Variants in GATAD1 observed in about 807,000 individuals in gnomAD.
GATAD1 encodes the protein GATA zinc finger domain containing 1.
A neutral mutation model predicts 26.5 loss-of-function variants in GATAD1; 12 were observed. That is an observed-to-expected ratio of 0.45 (90% CI 0.29 to 0.73). The LOEUF (loss-of-function observed/expected upper bound fraction) is 0.73. Among genes scored for constraint, GATAD1 ranks in the 30% least tolerant of loss-of-function variants. The pLI, the probability that GATAD1 is intolerant of heterozygous loss-of-function variation, is 0.10. For synonymous variants in GATAD1, 129 were observed against 133.1 expected, an observed-to-expected ratio of 0.97 and a Z score of 0.21; for missense variants, 266 against 342.1, an observed-to-expected ratio of 0.78 and a Z score of 1.75.
the GATAD1 span, chr7:92,491,599 A>G: frequency 1.3e-6 from 1 of 745,746 alleles, no homozygotes; most frequent in African/African-American, 1.8e-5. Context: ...GAGCAATACA[A>G]GAAACTTAGA....
At chr7:92,491,428 G>A in the GATAD1 span, 54 of 1,613,680 alleles carry the variant, frequency 3.3e-5, no homozygotes, top group South Asian at 4.7e-4. Flanking sequence ...CAGCTGAATC[G>A]TCAGAGCCAC....
chr7:92,469,475 G>C, the GATAD1 span: 2 of 767,768 alleles, frequency 2.6e-6, no homozygotes, highest in Non-Finnish European at 4.8e-6. Context: ...TATAAATCTT[G>C]TTCAGTGTAG....
chr7:92,494,296 A>G, the GATAD1 span: 1 of 1,610,712 alleles, frequency 6.2e-7, no homozygotes, highest in South Asian at 1.1e-5. Context: ...TTGTCACCTG[A>G]TCAGGAGGAG....
chr7:92,464,754 G>A (rs1790038732), downstream of GATAD1, among the ~76,000 whole-genome samples: 1 of 152,178 alleles, frequency 6.6e-6, no homozygotes, highest in African/African-American at 2.4e-5. Flanking sequence ...CTTCAGCAAA[G>A]GCATCGTTTT....
chr7:92,452,035 T>G (rs1789457134), intron 3 of GATAD1, among the ~76,000 whole-genome samples: 1 of 152,246 alleles, frequency 6.6e-6, no homozygotes, highest in African/African-American at 2.4e-5. Context: ...AGTTACTACC[T>G]CAGTGGGTCA....
intron 3 of GATAD1, among the ~76,000 whole-genome samples, chr7:92,452,452 C>G (rs891311713): frequency 9.9e-5 from 15 of 152,240 alleles, no homozygotes; most frequent in Non-Finnish European, 1.8e-4. Flanking sequence ...CAAGAGGAGC[C>G]TGAGTGGGAG....
rs1042108524 is a variant in GATAD1 at position 92,457,234 on chromosome 7, C to A, written c.*672C>A. ...ATCCCAGCACTTTGGGAGGCTGAGG[C>A]AGATGGATCGCCTGAGGTTGGGAGT... On this transcript the variant is annotated 3_prime_UTR_variant, in exon 5 of 5. Coordinates refer to ENST00000287957, the MANE Select transcript of GATAD1 (RefSeq NM_021167.5). 1.4e-5 allele frequency: 2 copies of A among 144,838 alleles called. No individual in the cohort carries two copies. Among genetic ancestry groups the A allele is most frequent in the Non-Finnish European group, 3.0e-5 (2 of 66,640 alleles). The allele number at this position is 144,838 out of a possible 1,614,324, so 9.0% of individuals were successfully genotyped here. A position where few individuals can be genotyped will look rare whatever the true frequency, so the allele number is the denominator to read the frequency against.
chr7:92,477,951 C>A, the GATAD1 span: 1 of 152,506 alleles, frequency 6.6e-6, no homozygotes, highest in East Asian at 1.9e-4. Flanking sequence ...GCTGCTGTTG[C>A]CAGCTCGAAT....
intron 3 of GATAD1, among the ~76,000 whole-genome samples, chr7:92,452,751 G>A (rs999310524): frequency 6.6e-6 from 1 of 152,148 alleles, no homozygotes; most frequent in African/African-American, 2.4e-5. Context: ...GCCTACCACT[G>A]GAATCTTTCA....
At chr7:92,469,175 C>G in the GATAD1 span, 1 of 715,066 alleles carries the variant, frequency 1.4e-6, no homozygotes, top group African/African-American at 1.7e-5. Context: ...TAACAGCATT[C>G]TTCCCCTAAA....
chr7:92,487,446 AG>A, the GATAD1 span: 2 of 1,456,876 alleles, frequency 1.4e-6, no homozygotes, highest in South Asian at 1.2e-5. Flanking sequence ...CAAATCAAAA[AG>A]AAGTATATTT....
the GATAD1 span, chr7:92,469,143 G>A: frequency 4.3e-6 from 3 of 703,926 alleles, no homozygotes; most frequent in South Asian, 2.9e-5. Context: ...TCTCAGTGAC[G>A]ATTCCGGATT....
chr7:92,479,452 A>G, the GATAD1 span, among the ~76,000 whole-genome samples: 2 of 152,096 alleles, frequency 1.3e-5, no homozygotes, highest in African/African-American at 4.8e-5. Flanking sequence ...AACAAATCAC[A>G]GTGGTGGAAT....
the GATAD1 span, chr7:92,491,242 G>T: frequency 7.2e-7 from 1 of 1,381,116 alleles, no homozygotes. Flanking sequence ...TTATATTTCA[G>T]AACTGTATAA....
chr7:92,476,503 A>G, the GATAD1 span, among the ~76,000 whole-genome samples: 1 of 152,162 alleles, frequency 6.6e-6, no homozygotes, highest in Admixed American at 6.5e-5. Context: ...GAAGACCTTC[A>G]ATTATCAAGT....
the GATAD1 span, chr7:92,493,221 C>T: frequency 4.2e-6 from 3 of 722,254 alleles, no homozygotes; most frequent in Non-Finnish European, 6.8e-6. Flanking sequence ...CATAAATTAA[C>T]CTTATATATC....
chr7:92,474,251 C>T, the GATAD1 span, among the ~76,000 whole-genome samples: 1 of 152,100 alleles, frequency 6.6e-6, no homozygotes, highest in Non-Finnish European at 1.5e-5. Flanking sequence ...TGCTCCGGGC[C>T]TACGGCAGAC....
chr7:92,478,741 G>T, the GATAD1 span, among the ~76,000 whole-genome samples: 2 of 152,098 alleles, frequency 1.3e-5, no homozygotes, highest in African/African-American at 4.8e-5. Flanking sequence ...TAACAGAAAA[G>T]ACAGCTTAAA....
chr7:92,451,406 C>G (rs925800876), intron 3 of GATAD1, among the ~76,000 whole-genome samples: 1 of 152,208 alleles, frequency 6.6e-6, no homozygotes, highest in African/African-American at 2.4e-5. Flanking sequence ...CCCCAAGGCT[C>G]GGCAGGCCTG....
Sources: gnomAD v4.1 joint callset for allele counts (sites outside exome capture counted in the v4.1 genomes callset) on GRCh38, gnomAD v4.1.1 for gene constraint, MANE v1.5 for transcripts, NCBI Gene and HGNC (gene_info 2026-07-23, HGNC 2026-07-21) for gene names.